TOM1L2: variants seen among roughly 807,000 people sequenced by gnomAD.
TOM1L2 encodes target of myb1 like 2 membrane trafficking protein.
Under a neutral mutation model 67.9 loss-of-function variants are expected in TOM1L2, and 31 were observed. The observed-to-expected ratio is 0.46, with a 90% CI of 0.34 to 0.62. TOM1L2 has a LOEUF of 0.62. Ranked by LOEUF, TOM1L2 falls within the 20% of genes least tolerant of loss-of-function variation. The pLI, the probability that TOM1L2 is intolerant of heterozygous loss-of-function variation, is 0.01. For synonymous variants in TOM1L2, 256 were observed against 254.0 expected (o/e 1.01, Z -0.07); for missense variants, 606 against 663.5 (o/e 0.91, Z 0.95).
At chr17:17,908,791 G>C (rs918613220) in intron 1 of TOM1L2, among the ~76,000 whole-genome samples, 5 of 152,178 alleles carry the variant, frequency 3.3e-5, no homozygotes, top group Admixed American at 6.5e-5. Flanking sequence ...AAAATAACAA[G>C]TGTTGGCAAG....
rs1289391877 is a variant in TOM1L2 at position 17,845,695 on chromosome 17, C to A, written c.*1940G>T. The A allele has an allele frequency of 2.6e-5, 4 of 152,290 alleles. No individual in the cohort carries two copies. The highest frequency in any genetic ancestry group is 9.6e-5 in the African/African-American group (4 of 41,466). The allele number at this position is 152,290 out of a possible 1,614,324, so 9.4% of individuals were successfully genotyped here. Reference sequence around the variant, plus strand: ...CAAAGGGCTGGGGCCTCTGGGTGCACCTGGGCCATCCCAGCCACCTTTTCT... The same window carrying A: ...CAAAGGGCTGGGGCCTCTGGGTGCAACTGGGCCATCCCAGCCACCTTTTCT... On this transcript the variant is annotated 3_prime_UTR_variant, in exon 15 of 15. Coordinates refer to ENST00000379504, the MANE Select transcript of TOM1L2 (RefSeq NM_001082968.2).
chr17:17,959,396 G>T (rs556305396), intron 1 of TOM1L2, among the ~76,000 whole-genome samples: 9 of 152,312 alleles, frequency 5.9e-5, no homozygotes, highest in African/African-American at 1.9e-4. Flanking sequence ...TGTCAGAAAT[G>T]TCATACATCA....
At chr17:17,860,291 G>A (rs1302583027) in intron 12 of TOM1L2, among the ~76,000 whole-genome samples, 1 of 152,258 alleles carries the variant, frequency 6.6e-6, no homozygotes, top group African/African-American at 2.4e-5. Context: ...GCACTGCATT[G>A]ATTTTGAGTG....
chr17:17,911,774 T>C (rs2039361984), intron 1 of TOM1L2, among the ~76,000 whole-genome samples: 1 of 149,142 alleles, frequency 6.7e-6, no homozygotes, highest in Admixed American at 6.7e-5. Flanking sequence ...CAAAGGTCTC[T>C]GGTTTTCCTA....
intron 12 of TOM1L2, chr17:17,851,259 T>C (rs1473235576): frequency 7.4e-6 from 3 of 404,106 alleles, no homozygotes; most frequent in East Asian, 5.2e-5. Flanking sequence ...CACTCTCACA[T>C]TGCGGGGCCT....
rs147504636 is a variant in TOM1L2 at position 17,848,592 on chromosome 17, G to A, written c.1375+231C>T. On this transcript the variant is annotated intron_variant, in intron 14 of 14. Transcript: ENST00000379504. ...CGCTATTCACCAGCTCTGCAACTTTGTGGAATTGACATGTTCTTTCTGACC... is the reference window on the plus strand; with the variant it reads ...CGCTATTCACCAGCTCTGCAACTTTATGGAATTGACATGTTCTTTCTGACC... Among the ~76,000 whole-genome samples, 12 of 152,362 alleles carry A rather than the reference G, an allele frequency of 7.9e-5. No homozygotes were observed. In the East Asian group the frequency reaches 2.1e-3, roughly 27 times the overall value.
At chr17:17,895,991 C>T (rs1465879979) in intron 3 of TOM1L2, among the ~76,000 whole-genome samples, 1 of 152,150 alleles carries the variant, frequency 6.6e-6, no homozygotes, top group African/African-American at 2.4e-5. Flanking sequence ...TTCCTCTGGG[C>T]TTGCCAAGGA....
rs778757730 is a variant in TOM1L2 at position 17,893,718 on chromosome 17, T to C, written c.309A>G (p.Ile103Met). 2 of 1,614,012 alleles carry C rather than the reference T, an allele frequency of 1.2e-6. No individual in the cohort carries two copies. Among genetic ancestry groups the C allele is most frequent in the African/African-American group, 1.3e-5 (1 of 74,906 alleles). Residue 103 changes from isoleucine (I) to methionine (M), a missense_variant, in exon 4 of 15, where the codon ATA becomes ATG. By Grantham distance (10) the Ile-to-Met change is conservative. Transcript: ENST00000379504. The part of the protein sequence containing the change: ...DFIDSVLVKI[I>M]SPKNNPPTIV... ...TGGTGGGAGGGTTGTTCTTGGGAGATATAATTTTGACCAGAACACTGTCGA... is the reference window on the plus strand; with the variant it reads ...TGGTGGGAGGGTTGTTCTTGGGAGACATAATTTTGACCAGAACACTGTCGA...
At chr17:17,928,544 C>T (rs1435494544) in intron 1 of TOM1L2, among the ~76,000 whole-genome samples, 3 of 152,222 alleles carry the variant, frequency 2.0e-5, no homozygotes, top group African/African-American at 4.8e-5. Context: ...ACACTCAGCT[C>T]GTTGCCTCCT....
intron 1 of TOM1L2, among the ~76,000 whole-genome samples, chr17:17,945,911 C>G (rs1353465601): frequency 1.3e-5 from 2 of 152,140 alleles, no homozygotes; most frequent in East Asian, 3.8e-4. Context: ...CAGTGTCACC[C>G]AGGCTGGAGT....
rs750845304 is a variant in TOM1L2, at chr17:17,877,877, TA to T, written c.777+1749del. The stretch of plus-strand genomic sequence containing the variant: ...GTTTGTCTTGGCTGATGGGCTTGTT[TA>T]AAAAAAAAAAAAAATCCCAAACCCC... On this transcript the variant is annotated intron_variant, in intron 7 of 14. Transcript: ENST00000379504. Among the ~76,000 whole-genome samples the T allele has an allele frequency of 6.8e-3, 966 of 142,426 alleles. 2 individuals are homozygous for T. Among genetic ancestry groups the T allele is most frequent in the Middle Eastern group, 0.022 (6 of 272 alleles). 93.4% of individuals were successfully genotyped at this position (142,426 alleles called of 152,430 possible).
At chr17:17,945,436 T>C (rs933276718) in intron 1 of TOM1L2, among the ~76,000 whole-genome samples, 4 of 152,216 alleles carry the variant, frequency 2.6e-5, no homozygotes, top group Non-Finnish European at 4.4e-5. Context: ...AGAACACTTA[T>C]ACATCAAAAC....
intron 3 of TOM1L2, among the ~76,000 whole-genome samples, chr17:17,896,400 C>T (rs900949481): frequency 6.6e-5 from 10 of 152,162 alleles, no homozygotes; most frequent in African/African-American, 2.4e-4. Flanking sequence ...CTCCACTCCA[C>T]TCTCAGAGCA....
chr17:17,958,324 G>T (rs2041548519), intron 1 of TOM1L2, among the ~76,000 whole-genome samples: 2 of 152,156 alleles, frequency 1.3e-5, no homozygotes, highest in African/African-American at 2.4e-5. Flanking sequence ...CCTGGGATTG[G>T]TTTCTCTGGT....
chr17:17,971,907 C>G (rs1468858308), intron 1 of TOM1L2, among the ~76,000 whole-genome samples: 1 of 152,162 alleles, frequency 6.6e-6, no homozygotes, highest in Admixed American at 6.5e-5. Flanking sequence ...ACACAGATGC[C>G]CTGCCTGCCC....
chr17:17,861,799 G>A (rs2036574109), intron 11 of TOM1L2: 3 of 463,448 alleles, frequency 6.5e-6, no homozygotes, highest in Non-Finnish European at 1.2e-5. Context: ...CAGATTTTGT[G>A]CACCTCAACA....
intron 1 of TOM1L2, among the ~76,000 whole-genome samples, chr17:17,948,236 G>C (rs900004205): frequency 1.3e-5 from 2 of 152,178 alleles, no homozygotes; most frequent in Admixed American, 6.5e-5. Flanking sequence ...GGATAATCTT[G>C]ATACCAAGAT....
chr17:17,903,362 G>A (rs960019738), intron 2 of TOM1L2, among the ~76,000 whole-genome samples: 1 of 152,178 alleles, frequency 6.6e-6, no homozygotes. Flanking sequence ...GGTGGCTCAC[G>A]CCTGTAATCC....
chr17:17,903,416 G>A (rs996942120), intron 2 of TOM1L2, among the ~76,000 whole-genome samples: 1 of 152,086 alleles, frequency 6.6e-6, no homozygotes, highest in African/African-American at 2.4e-5. Context: ...GAGGTAAGGG[G>A]ATCGAGACCA....
Sources: allele counts gnomAD v4.1 joint callset (sites outside exome capture counted in the v4.1 genomes callset), GRCh38; gene constraint gnomAD v4.1.1; transcripts MANE v1.5; gene names NCBI Gene and HGNC (gene_info 2026-07-23, HGNC 2026-07-21).